The following WWOX variants were observed in gnomAD, a reference collection of about 807,000 sequenced individuals.
WWOX encodes WW domain-containing oxidoreductase.
Under a neutral mutation model 46.2 loss-of-function variants are expected in WWOX, and 69 were observed. That is an observed-to-expected ratio of 1.49 (90% CI 1.23 to 1.82). The LOEUF (loss-of-function observed/expected upper bound fraction) is 1.82. Among genes scored for constraint, WWOX ranks in the 40% most tolerant of loss-of-function variants. WWOX has a pLI of 0.00. For synonymous variants in WWOX, 359 were observed against 202.6 expected, an observed-to-expected ratio of 1.77 and a Z score of -6.56; for missense variants, 919 against 542.6, an observed-to-expected ratio of 1.69 and a Z score of -6.89.
intron 8 of WWOX, among the ~76,000 whole-genome samples, chr16:78,935,022 C>T (rs1449747421): frequency 6.6e-6 from 1 of 152,078 alleles, no homozygotes; most frequent in African/African-American, 2.4e-5. Context: ...ATCACTGGCC[C>T]TCAGAGACAT....
chr16:78,501,249 A>T (rs2085060599), intron 8 of WWOX, among the ~76,000 whole-genome samples: 1 of 131,350 alleles, frequency 7.6e-6, no homozygotes, highest in African/African-American at 2.7e-5. Context: ...GTAAAAACAC[A>T]AAATAAAAAA....
At chr16:78,912,533 C>T (rs147165459) in intron 8 of WWOX, among the ~76,000 whole-genome samples, 33 of 152,118 alleles carry the variant, frequency 2.2e-4, no homozygotes, top group Non-Finnish European at 4.7e-4. Flanking sequence ...CTCCGCTCTT[C>T]CCTGAGTGCC....
intron 8 of WWOX, among the ~76,000 whole-genome samples, chr16:79,208,253 C>T (rs140367928): frequency 3.3e-4 from 50 of 152,240 alleles, no homozygotes; most frequent in African/African-American, 1.2e-3. Context: ...CTGGGCTTCC[C>T]AGAAATTCTC....
intron 8 of WWOX, among the ~76,000 whole-genome samples, chr16:78,523,534 C>CT (rs1182813120): frequency 6.6e-6 from 1 of 152,224 alleles, no homozygotes; most frequent in African/African-American, 2.4e-5. Flanking sequence ...CTTGTACTCT[C>CT]TATCTGGGTG....
chr16:78,289,912 G>A (rs951678242), intron 5 of WWOX, among the ~76,000 whole-genome samples: 3 of 152,104 alleles, frequency 2.0e-5, no homozygotes, highest in Non-Finnish European at 4.4e-5. Context: ...GACATTTTTA[G>A]TAGCCACTTA....
chr16:78,896,198 A>G (rs1375203362), intron 8 of WWOX: 1 of 151,972 alleles, frequency 6.6e-6, no homozygotes, highest in Non-Finnish European at 1.5e-5. Flanking sequence ...AAACATAATT[A>G]TATCCGGAAT....
chr16:78,653,553 A>C lies in WWOX; in HGVS notation c.1056+220801A>C, dbSNP rs191741250. ...CTACTCCTAAAAGAGATACACAGGAAGAGAGACCTTCTGCTTCCTCTGGAC... is the reference window on the plus strand; with the variant it reads ...CTACTCCTAAAAGAGATACACAGGACGAGAGACCTTCTGCTTCCTCTGGAC... On this transcript the variant is annotated intron_variant, in intron 8 of 8. Coordinates refer to ENST00000566780, the MANE Select transcript of WWOX (RefSeq NM_016373.4). Among the ~76,000 whole-genome samples, 446 of 152,356 alleles carry C rather than the reference A, an allele frequency of 2.9e-3. 2 individuals carry two copies. Among genetic ancestry groups the C allele is most frequent in the African/African-American group, 0.011 (437 of 41,592 alleles).
At chr16:78,835,742 G>A (rs749732192) in intron 8 of WWOX, among the ~76,000 whole-genome samples, 1 of 152,156 alleles carries the variant, frequency 6.6e-6, no homozygotes, top group Non-Finnish European at 1.5e-5. Context: ...GCTCCAGGGA[G>A]AAACGAAAAC....
chr16:78,585,049 C>T (rs137987060), intron 8 of WWOX, among the ~76,000 whole-genome samples: 1,668 of 152,304 alleles, frequency 0.011, 23 homozygotes, highest in African/African-American at 0.034. Flanking sequence ...GCCTCCACCC[C>T]TGGCCTGTTC....
chr16:78,407,916 A>G (rs972471676), intron 6 of WWOX, among the ~76,000 whole-genome samples: 1 of 152,248 alleles, frequency 6.6e-6, no homozygotes, highest in Admixed American at 6.5e-5. Flanking sequence ...AGATTATGGC[A>G]CATGGTAGAA....
At chr16:79,064,593 T>C (rs2048409826) in intron 8 of WWOX, among the ~76,000 whole-genome samples, 1 of 152,196 alleles carries the variant, frequency 6.6e-6, no homozygotes, top group Admixed American at 6.5e-5. Context: ...AGGAAATAGT[T>C]TTCCTGGAAA....
At chr16:78,735,332 A>G (rs542422312) in intron 8 of WWOX, among the ~76,000 whole-genome samples, 459 of 151,540 alleles carry the variant, frequency 3.0e-3, no homozygotes, top group African/African-American at 0.01. Flanking sequence ...CTATCAATCC[A>G]TTGGTCATCA....
At chr16:78,442,439 A>AC (rs934277871) in intron 8 of WWOX, among the ~76,000 whole-genome samples, 3 of 150,692 alleles carry the variant, frequency 2.0e-5, no homozygotes, top group African/African-American at 7.3e-5. Context: ...CCCATTTATC[A>AC]CCCCCTCCCA....
At chr16:78,606,321 C>A (rs1350687420) in intron 8 of WWOX, among the ~76,000 whole-genome samples, 1 of 152,080 alleles carries the variant, frequency 6.6e-6, no homozygotes, top group Non-Finnish European at 1.5e-5. Flanking sequence ...AAAATTGTTT[C>A]TCTTTTATAA....
intron 8 of WWOX, among the ~76,000 whole-genome samples, chr16:78,805,184 G>T (rs1205742814): frequency 6.6e-6 from 1 of 152,188 alleles, no homozygotes; most frequent in African/African-American, 2.4e-5. Flanking sequence ...ACCAAGAAAG[G>T]AAAAGTGTAT....
chr16:78,132,117 C>T (rs528265049), intron 4 of WWOX, among the ~76,000 whole-genome samples: 16 of 151,350 alleles, frequency 1.1e-4, no homozygotes, highest in African/African-American at 3.6e-4. Context: ...CTCCACCTCC[C>T]GGGTTCACGC....
At chr16:78,735,079 C>A (rs1034355840) in intron 8 of WWOX, among the ~76,000 whole-genome samples, 1 of 151,310 alleles carries the variant, frequency 6.6e-6, no homozygotes, top group South Asian at 2.1e-4. Flanking sequence ...GTTGGCCAGG[C>A]TGGTCTCGAA....
chr16:78,920,052 A>C (rs1002225522), intron 8 of WWOX, among the ~76,000 whole-genome samples: 35 of 152,168 alleles, frequency 2.3e-4, no homozygotes, highest in African/African-American at 6.8e-4. Flanking sequence ...GGTTTGCCGC[A>C]GTAACAAACG....
intron 6 of WWOX, among the ~76,000 whole-genome samples, chr16:78,396,574 C>A (rs1052766860): frequency 2.6e-5 from 4 of 152,190 alleles, no homozygotes; most frequent in Non-Finnish European, 5.9e-5. Flanking sequence ...TCCCACTCCT[C>A]ACAATCCCAC....
Sources: allele counts gnomAD v4.1 joint callset (sites outside exome capture counted in the v4.1 genomes callset), GRCh38; gene constraint gnomAD v4.1.1; transcripts MANE v1.5; gene names NCBI Gene and HGNC (gene_info 2026-07-23, HGNC 2026-07-21).